Variants in VAC14 observed in about 807,000 individuals in gnomAD.
The protein encoded by VAC14 is VAC14 component of PIKFYVE complex.
A neutral mutation model predicts 85.3 loss-of-function variants in VAC14; 47 were observed. The ratio of observed to expected loss-of-function variants is 0.55; its 90% CI spans 0.44 to 0.70. The LOEUF (loss-of-function observed/expected upper bound fraction) is 0.70. VAC14 is among the 30% of genes least tolerant of loss of function. The pLI is 0.00. For synonymous variants in VAC14, 447 were observed against 430.5 expected (o/e 1.04, Z -0.47); for missense variants, 861 against 1,004.3 (o/e 0.86, Z 1.93).
chr16:70,763,603 G>T (rs1300947457), intron 10 of VAC14, among the ~76,000 whole-genome samples: 1 of 152,204 alleles, frequency 6.6e-6, no homozygotes, highest in Admixed American at 6.5e-5. Context: ...CACTGCACCA[G>T]GGCACTCAGC....
rs2142976760 is a variant in VAC14, at chr16:70,687,891, G to A, written c.*37C>T. ...GGCGTGACGACCCTTAGTGTTTCAT[G>A]GGACCACTCGGTGGGCCCTCCTCCG... On this transcript the variant is annotated 3_prime_UTR_variant, in exon 19 of 19. Transcript: ENST00000261776. 3.4e-6 allele frequency: 5 copies of A among 1,457,832 alleles called. No homozygotes were observed. Among genetic ancestry groups the A allele is most frequent in the Non-Finnish European group, 4.6e-6 (5 of 1,095,980 alleles). The allele number at this position is 1,457,832 out of a possible 1,614,324, so 90.3% of individuals were successfully genotyped here.
intron 14 of VAC14, among the ~76,000 whole-genome samples, chr16:70,717,318 G>A (rs2054188096): frequency 6.6e-6 from 1 of 152,248 alleles, no homozygotes; most frequent in South Asian, 2.1e-4. Context: ...TGGGGCAGAT[G>A]GAGGAGGAAG....
chr16:70,771,357 T>C (rs778840674), intron 10 of VAC14: 1 of 152,118 alleles, frequency 6.6e-6, no homozygotes, highest in Non-Finnish European at 1.5e-5. Flanking sequence ...TGGACATGAT[T>C]AATGACTGCC....
chr16:70,787,719 C>T (rs532615134), intron 1 of VAC14, among the ~76,000 whole-genome samples: 3 of 152,306 alleles, frequency 2.0e-5, no homozygotes, highest in South Asian at 2.1e-4. Flanking sequence ...GGGAAAGAAA[C>T]GGGCCTTCCT....
chr16:70,720,365 C>A (rs908320442), intron 14 of VAC14, among the ~76,000 whole-genome samples: 1 of 152,208 alleles, frequency 6.6e-6, no homozygotes, highest in African/African-American at 2.4e-5. Context: ...ATCCAGGCAT[C>A]GAGCCTGGAG....
chr16:70,692,521 C>G (rs1220604442), intron 18 of VAC14, among the ~76,000 whole-genome samples: 1 of 152,136 alleles, frequency 6.6e-6, no homozygotes, highest in Non-Finnish European at 1.5e-5. Context: ...ACTCCAGATG[C>G]CCTCAGAGTT....
intron 9 of VAC14, 48 bp downstream of exon 9, chr16:70,780,742 C>T (rs1444869465): frequency 1.3e-6 from 2 of 1,527,730 alleles, no homozygotes; most frequent in Non-Finnish European, 1.8e-6. Flanking sequence ...ACATCTGGCT[C>T]CCTGGGCCCC....
At chr16:70,706,566 C>T (rs956272622) in intron 14 of VAC14, among the ~76,000 whole-genome samples, 2 of 152,220 alleles carry the variant, frequency 1.3e-5, no homozygotes, top group African/African-American at 4.8e-5. Flanking sequence ...GGCTGGAGTG[C>T]CATGGTGCGA....
intron 12 of VAC14, chr16:70,756,066 AGGACTGCTTG>A: frequency 2.2e-6 from 1 of 456,814 alleles, no homozygotes; most frequent in Non-Finnish European, 4.4e-6. Flanking sequence ...CACGGTGACA[AGGACTGCTTG>A]GGAAGGATAA....
chr16:70,749,679 A>C (rs111888731), intron 12 of VAC14, among the ~76,000 whole-genome samples: 8 of 152,270 alleles, frequency 5.3e-5, no homozygotes, highest in African/African-American at 1.9e-4. Flanking sequence ...AGGGGCCACC[A>C]AGATGGAGGG....
chr16:70,774,462 GCA>G (rs1567593603), intron 9 of VAC14, among the ~76,000 whole-genome samples: 1 of 152,138 alleles, frequency 6.6e-6, no homozygotes, highest in Non-Finnish European at 1.5e-5. Flanking sequence ...ATCGCCTGAC[GCA>G]CAGTGTCTGC....
intron 13 of VAC14, among the ~76,000 whole-genome samples, chr16:70,734,106 G>A (rs557591729): frequency 1.9e-4 from 29 of 152,276 alleles, no homozygotes; most frequent in Non-Finnish European, 3.4e-4. Context: ...ACAAGTGTGA[G>A]CCACTGCGCC....
chr16:70,707,801 CTTTTTTT>C (rs772971983), intron 14 of VAC14, among the ~76,000 whole-genome samples: 2 of 144,356 alleles, frequency 1.4e-5, no homozygotes, highest in African/African-American at 5.0e-5. Context: ...GGCCTTTTTT[CTTTTTTT>C]TTTTTTCAAG....
At chr16:70,772,582 T>C (rs1371432259) in intron 9 of VAC14, 1 of 158,134 alleles carries the variant, frequency 6.3e-6, no homozygotes, top group Non-Finnish European at 1.4e-5. Flanking sequence ...TAGCAAGTGT[T>C]GATGAGAATG....
intron 10 of VAC14, chr16:70,770,780 G>A (rs936705901): frequency 2.0e-5 from 3 of 152,246 alleles, no homozygotes; most frequent in East Asian, 1.9e-4. Context: ...GGAACGCGTG[G>A]CAGCTATGTG....
intron 16 of VAC14, chr16:70,696,881 T>A: frequency 7.0e-6 from 3 of 426,928 alleles, no homozygotes; most frequent in South Asian, 6.2e-5. Context: ...GCCTACTCAG[T>A]CCCAATCCCA....
chr16:70,690,453 C>T (rs2053576484), intron 18 of VAC14: 1 of 985,658 alleles, frequency 1.0e-6, no homozygotes, highest in Non-Finnish European at 1.2e-6. Context: ...CCGGCTCTCA[C>T]TCTTGCCATC....
intron 10 of VAC14, among the ~76,000 whole-genome samples, chr16:70,764,836 G>A (rs918314866): frequency 1.3e-5 from 2 of 152,202 alleles, no homozygotes; most frequent in African/African-American, 2.4e-5. Flanking sequence ...AACAGTCCAC[G>A]CCAGGACTTT....
At chr16:70,737,089 G>C (rs2054780305) in intron 13 of VAC14, among the ~76,000 whole-genome samples, 3 of 152,344 alleles carry the variant, frequency 2.0e-5, no homozygotes, top group African/African-American at 7.2e-5. Flanking sequence ...TGGGTGGAGA[G>C]AGAACAAGCT....
Sources: gnomAD v4.1 joint callset for allele counts (sites outside exome capture counted in the v4.1 genomes callset) on GRCh38, gnomAD v4.1.1 for gene constraint, MANE v1.5 for transcripts, NCBI Gene and HGNC (gene_info 2026-07-23, HGNC 2026-07-21) for gene names.